ACSL1: variants seen among roughly 807,000 people sequenced by gnomAD.
ACSL1 encodes the protein acyl-CoA synthetase long chain family member 1.
Under a neutral mutation model 98.4 loss-of-function variants are expected in ACSL1, and 41 were observed. The observed-to-expected ratio is 0.42, with a 90% CI of 0.32 to 0.54. ACSL1 has a LOEUF of 0.54. Among genes scored for constraint, ACSL1 ranks in the 20% least tolerant of loss-of-function variants. The pLI, the probability that ACSL1 is intolerant of heterozygous loss-of-function variation, is 0.13. For missense variants in ACSL1, 734 were observed against 883.1 expected (o/e 0.83, Z 2.14); for synonymous variants, 316 against 322.7 (o/e 0.98, Z 0.22).
At chr4:184,799,529 T>C (rs1393891171) in intron 2 of ACSL1, among the ~76,000 whole-genome samples, 2 of 152,142 alleles carry the variant, frequency 1.3e-5, no homozygotes, top group African/African-American at 4.8e-5. Context: ...TTTAGACTCA[T>C]TTGCCTGCAT....
At position 184,773,988 on chromosome 4, in the gene ACSL1, C is replaced by A; in HGVS notation, c.757-113G>T. The A allele has an allele frequency of 8.9e-7, 1 of 1,122,770 alleles. No individual in the cohort carries two copies. The highest frequency in any genetic ancestry group is 1.3e-6 in the Non-Finnish European group (1 of 768,500). 69.6% of individuals were successfully genotyped at this position (1,122,770 alleles called of 1,614,324 possible). ...TACTGTGGGGTTCATTCACACCTGG[C>A]TCGAAAACAGCATAATTTTCTAATT... On this transcript the variant is annotated intron_variant, in intron 7 of 20. Coordinates refer to ENST00000281455, the MANE Select transcript of ACSL1 (RefSeq NM_001995.5). The surrounding 1 kb of genome is among the most constrained non-coding windows in gnomAD (Gnocchi z 4.3).
At position 184,773,187 on chromosome 4, in the gene ACSL1, A is replaced by AAGAATGAC. The variant is rs746979319; in HGVS notation, c.842-41_842-34dup. ...GCACATATGAAGCAGAACAAAGTTA[A>AAGAATGAC]AGAATGACAGAAATGAAGGAGGCCC... On this transcript the variant is annotated intron_variant, in intron 9 of 20. Transcript: ENST00000281455. This position sits in a 1 kb window ranked among gnomAD's most constrained non-coding sequence, Gnocchi z 4.3. 1 of 1,584,842 alleles carries AAGAATGAC rather than the reference A, an allele frequency of 6.3e-7. No homozygotes were observed. Among genetic ancestry groups the AAGAATGAC allele is most frequent in the African/African-American group, 1.3e-5 (1 of 74,410 alleles).
rs185167780 is a variant in ACSL1, at chr4:184,776,617, A to T, written c.623T>A (p.Leu208His). The T allele has an allele frequency of 2.5e-6, 4 of 1,613,728 alleles. No homozygotes were observed. The highest frequency in any genetic ancestry group is 3.3e-5 in the Admixed American group (2 of 60,022). The part of the protein sequence containing the change: ...VFVDKPEKAK[L>H]LLEGVENKLI... ...CTTATTTTCTACACCCTCTAATAAGAGTTTGGCCTTCTCTGGCTTGTCAAC... is the reference window on the plus strand; with the variant it reads ...CTTATTTTCTACACCCTCTAATAAGTGTTTGGCCTTCTCTGGCTTGTCAAC... Residue 208 changes from leucine (L) to histidine (H), a missense_variant, in exon 7 of 21, where the codon CTC becomes CAC. Leu to His is a moderately conservative substitution (Grantham distance 99). Transcript: ENST00000281455.
intron 1 of ACSL1, among the ~76,000 whole-genome samples, chr4:184,808,758 A>G (rs952816662): frequency 1.3e-5 from 2 of 152,228 alleles, no homozygotes; most frequent in Non-Finnish European, 2.9e-5. Flanking sequence ...TGCTTAAGCC[A>G]TTCCCTTTTG....
chr4:184,812,640 G>C (rs1323450659), intron 1 of ACSL1, among the ~76,000 whole-genome samples: 1 of 152,144 alleles, frequency 6.6e-6, no homozygotes, highest in Admixed American at 6.6e-5. Context: ...GCCCAAGACT[G>C]CCATCAACTC....
chr4:184,821,550 C>G (rs930926227), intron 1 of ACSL1, among the ~76,000 whole-genome samples: 2 of 152,204 alleles, frequency 1.3e-5, no homozygotes, highest in African/African-American at 4.8e-5. Flanking sequence ...AATACATGAA[C>G]CCAAAAGTCC....
At chr4:184,775,321 T>C (rs1338741910) in intron 7 of ACSL1, among the ~76,000 whole-genome samples, 2 of 152,084 alleles carry the variant, frequency 1.3e-5, no homozygotes, top group East Asian at 1.9e-4. Flanking sequence ...ATATAAACTT[T>C]ATATTATAAT....
At chr4:184,758,338 T>G in intron 18 of ACSL1, 1 of 178,108 alleles carries the variant, frequency 5.6e-6, no homozygotes, top group South Asian at 1.1e-4. Flanking sequence ...GGGGATCACT[T>G]GAGGCCAGGA....
chr4:184,757,925 A>G lies in ACSL1; in HGVS notation c.1783-5T>C. ...CACAATTGCAATGAGAAATGCCTTTAACACAGACAAATGAGTTATTACATA... is the reference window on the plus strand; with the variant it reads ...CACAATTGCAATGAGAAATGCCTTTGACACAGACAAATGAGTTATTACATA... On this transcript the variant is annotated splice_region_variant and splice_polypyrimidine_tract_variant and intron_variant, in intron 18 of 20. Transcript: ENST00000281455. This position sits in a 1 kb window ranked among gnomAD's most constrained non-coding sequence, Gnocchi z 4.5. The G allele has an allele frequency of 1.2e-6, 2 of 1,612,038 alleles. No homozygotes were observed. Among genetic ancestry groups the G allele is most frequent in the Non-Finnish European group, 1.7e-6 (2 of 1,178,216 alleles).
At chr4:184,775,578 AG>A (rs1262835434) in intron 7 of ACSL1, among the ~76,000 whole-genome samples, 3 of 152,144 alleles carry the variant, frequency 2.0e-5, no homozygotes, top group Non-Finnish European at 4.4e-5. Flanking sequence ...CTACTGAGAG[AG>A]AGAGTTGGGC....
At chr4:184,801,489 C>T (rs1395895371) in intron 2 of ACSL1, among the ~76,000 whole-genome samples, 5 of 152,300 alleles carry the variant, frequency 3.3e-5, no homozygotes, top group African/African-American at 1.2e-4. Flanking sequence ...AGGCTCTTCA[C>T]CGGTACCTTA....
chr4:184,791,438 C>T (rs1235616907), intron 2 of ACSL1, among the ~76,000 whole-genome samples: 1 of 152,224 alleles, frequency 6.6e-6, no homozygotes, highest in Non-Finnish European at 1.5e-5. Context: ...TCAAAGTGTG[C>T]TCTGCGGAAC....
chr4:184,781,536 A>C lies in ACSL1; in HGVS notation c.376-1103T>G, dbSNP rs191540449. On this transcript the variant is annotated intron_variant, in intron 4 of 20. Transcript: ENST00000281455. ...CCTATCCTCTCCCTGTTCCTACCCC[A>C]AATAAACTAAAATTTTTAAAAAATC... Among the ~76,000 whole-genome samples the C allele has an allele frequency of 7.2e-3, 1,091 of 152,280 alleles. 12 individuals are homozygous for C. Among genetic ancestry groups the C allele is most frequent in the Admixed American group, 0.014 (216 of 15,288 alleles).
Position 184,757,603 on chromosome 4 carries a change from C to T in ACSL1, c.1956+32G>A, listed in dbSNP as rs1243483204. On this transcript the variant is annotated intron_variant, in intron 20 of 20. Coordinates refer to ENST00000281455, the MANE Select transcript of ACSL1 (RefSeq NM_001995.5). The surrounding 1 kb of genome is among the most constrained non-coding windows in gnomAD (Gnocchi z 4.5). ...AAATCTTAATGGAAAATTTGTTTTA[C>T]AGGAATTCACCCACTCAGATGAAGG... The T allele has an allele frequency of 6.3e-7, 1 of 1,586,416 alleles. No homozygotes were observed. The highest frequency in any genetic ancestry group is 8.6e-7 in the Non-Finnish European group (1 of 1,168,540).
chr4:184,820,227 C>T (rs961217299), intron 1 of ACSL1, among the ~76,000 whole-genome samples: 1 of 152,200 alleles, frequency 6.6e-6, no homozygotes, highest in African/African-American at 2.4e-5. Context: ...CCGTGTTAGC[C>T]AGGATGGTCT....
Position 184,764,718 on chromosome 4 carries a change from G to A in ACSL1, c.1432+135C>T, listed in dbSNP as rs1404048465. Reference sequence around the variant, plus strand: ...TGACTTACAAGAGTGTTTGCCCCCAGAGCCTAATGATCAGAAACATAGCAC... The same window carrying A: ...TGACTTACAAGAGTGTTTGCCCCCAAAGCCTAATGATCAGAAACATAGCAC... On this transcript the variant is annotated intron_variant, in intron 15 of 20. Coordinates refer to ENST00000281455, the MANE Select transcript of ACSL1 (RefSeq NM_001995.5). 34 of 760,264 alleles carry A rather than the reference G, an allele frequency of 4.5e-5. No individual in the cohort carries two copies. In the East Asian group the frequency reaches 9.7e-4, roughly 22 times the overall value. The allele number at this position is 760,264 out of a possible 1,614,324, so 47.1% of individuals were successfully genotyped here. A position where few individuals can be genotyped will look rare whatever the true frequency, so the allele number is the denominator to read the frequency against.
rs147275078 is a variant in ACSL1, at chr4:184,808,334, C to T, written c.-32-4788G>A. 2.7e-5 allele frequency: 27 copies of T among 985,358 alleles called. No homozygotes were observed. In the African/African-American group the frequency reaches 3.0e-4, roughly 11 times the overall value. The allele number at this position is 985,358 out of a possible 1,614,324, so 61.0% of individuals were successfully genotyped here. On this transcript the variant is annotated intron_variant, in intron 1 of 20. Transcript: ENST00000281455. ...TTCATGTCATTTAGAAACCAAAAAC[C>T]GGGTGGTCTGGATGTTTCTCTCCTT...
At chr4:184,781,457 A>G (rs1246053684) in intron 4 of ACSL1, among the ~76,000 whole-genome samples, 1 of 152,092 alleles carries the variant, frequency 6.6e-6, no homozygotes, top group South Asian at 2.1e-4. Context: ...ATAAAAATGC[A>G]TATTATAATA....
intron 18 of ACSL1, among the ~76,000 whole-genome samples, chr4:184,759,214 T>C (rs534618219): frequency 2.5e-4 from 38 of 152,326 alleles, no homozygotes; most frequent in African/African-American, 8.7e-4. Context: ...AACATACGTG[T>C]GCATGTGTCT....
Sources: allele counts gnomAD v4.1 joint callset (sites outside exome capture counted in the v4.1 genomes callset), GRCh38; gene constraint gnomAD v4.1.1; non-coding constraint Gnocchi (gnomAD v3.1); transcripts MANE v1.5; gene names NCBI Gene and HGNC (gene_info 2026-07-23, HGNC 2026-07-21).